IPP: variants seen among roughly 807,000 people sequenced by gnomAD.
IPP encodes the protein actin-binding protein IPP.
A neutral mutation model predicts 64.1 loss-of-function variants in IPP; 41 were observed. The ratio of observed to expected loss-of-function variants is 0.64; its 90% CI spans 0.50 to 0.83. The LOEUF (loss-of-function observed/expected upper bound fraction) is 0.83. Ranked by LOEUF, IPP falls within the 40% of genes least tolerant of loss-of-function variation. The pLI is 0.00. For synonymous variants in IPP, 214 were observed against 235.2 expected, an observed-to-expected ratio of 0.91 and a Z score of 0.83; for missense variants, 649 against 703.0, an observed-to-expected ratio of 0.92 and a Z score of 0.87.
At chr1:45,694,533 T>A, downstream of IPP, 2 of 1,395,476 alleles carry the variant, frequency 1.4e-6, no homozygotes, top group Non-Finnish European at 2.0e-6. Context: ...GAAAAGGTAG[T>A]TCCATTGAGT....
At chr1:45,731,866 G>C in intron 3 of IPP, among the ~76,000 whole-genome samples, 1 of 151,570 alleles carries the variant, frequency 6.6e-6, no homozygotes, top group South Asian at 2.1e-4. Flanking sequence ...AACCCGGGAG[G>C]CAAAGGTTGC....
chr1:45,704,326 T>G lies in IPP; in HGVS notation c.1531-4136A>C, dbSNP rs112750419. ...GATCTTGGCTCACTGCAGCCTCGGC[T>G]TCCTGGGTTCAAGCGATTCTCCTGC... On this transcript the variant is annotated intron_variant, in intron 8 of 8. Transcript: ENST00000396478. Among the ~76,000 whole-genome samples the G allele has an allele frequency of 5.1e-3, 771 of 151,722 alleles. 7 individuals carry two copies. The highest frequency in any genetic ancestry group is 0.018 in the African/African-American group (726 of 41,364).
At position 45,729,601 on chromosome 1, in the gene IPP, A is replaced by T. The variant is rs1475803456; in HGVS notation, c.880+13T>A. ...AAATATAATTTCTATTACTTTTTTAAGGGCTCTCTCACCTACTGCATACAG... is the reference window on the plus strand; with the variant it reads ...AAATATAATTTCTATTACTTTTTTATGGGCTCTCTCACCTACTGCATACAG... On this transcript the variant is annotated intron_variant, in intron 4 of 8. Coordinates refer to ENST00000396478, the MANE Select transcript of IPP (RefSeq NM_005897.3). 1 of 1,593,936 alleles carries T rather than the reference A, an allele frequency of 6.3e-7. No individual in the cohort carries two copies. The highest frequency in any genetic ancestry group is 8.6e-7 in the Non-Finnish European group (1 of 1,169,258).
At chr1:45,697,179 A>G (rs950493128), downstream of IPP, 1 of 152,238 alleles carries the variant, frequency 6.6e-6, no homozygotes. Context: ...TCTGCATTAC[A>G]TAAACTTTTC....
At chr1:45,694,766 C>T (rs1645372609), downstream of IPP, 1 of 347,708 alleles carries the variant, frequency 2.9e-6, no homozygotes, top group Admixed American at 4.6e-5. Flanking sequence ...CACATAATAG[C>T]TGGTCAAAAT....
In IPP at chr1:45,727,494, T is replaced by C. The variant is rs75462845; in HGVS notation, c.1048+137A>G. The C allele has an allele frequency of 6.1e-3, 559 of 90,926 alleles. 3 individuals are homozygous for C. The highest frequency in any genetic ancestry group is 0.046 in the Middle Eastern group (10 of 218). 5.6% of individuals were successfully genotyped at this position (90,926 alleles called of 1,614,324 possible). ...CTTCCTTCCCTCCCTCCCTCCCTCC[T>C]TCCTTCCTTCCTTCCTGTAAATACT... On this transcript the variant is annotated intron_variant, in intron 5 of 8. Coordinates refer to ENST00000396478, the MANE Select transcript of IPP (RefSeq NM_005897.3).
At chr1:45,705,992 G>A (rs1321995211) in intron 8 of IPP, among the ~76,000 whole-genome samples, 1 of 152,104 alleles carries the variant, frequency 6.6e-6, no homozygotes, top group East Asian at 1.9e-4. Context: ...AGCTGATACA[G>A]GAGACAGAGA....
intron 3 of IPP, among the ~76,000 whole-genome samples, chr1:45,736,731 T>C (rs1017620532): frequency 5.9e-5 from 9 of 152,052 alleles, no homozygotes; most frequent in African/African-American, 2.2e-4. Flanking sequence ...TTTTAAATTA[T>C]AAATTATAAT....
chr1:45,727,490 C>CTCCT (rs770534758), intron 5 of IPP, 141 bp downstream of exon 5: 55 of 284,558 alleles, frequency 1.9e-4, no homozygotes, highest in Admixed American at 9.5e-4. Context: ...CCCTCCCTCC[C>CTCCT]TCCTTCCTTC....
chr1:45,748,676 A>T (rs576169064), intron 1 of IPP, among the ~76,000 whole-genome samples: 3 of 152,038 alleles, frequency 2.0e-5, no homozygotes, highest in Non-Finnish European at 4.4e-5. Context: ...TGTCTCAACA[A>T]CAACAACAAC....
chr1:45,713,838 C>T (rs547730548), intron 8 of IPP, among the ~76,000 whole-genome samples: 8 of 152,226 alleles, frequency 5.3e-5, no homozygotes, highest in Middle Eastern at 3.4e-3. Flanking sequence ...GGATTACAGG[C>T]GTGGGCCACC....
At chr1:45,723,301 A>G (rs1269240594) in intron 5 of IPP, among the ~76,000 whole-genome samples, 1 of 152,190 alleles carries the variant, frequency 6.6e-6, no homozygotes, top group Non-Finnish European at 1.5e-5. Flanking sequence ...AACAAACCTC[A>G]ATTACTTTTA....
At chr1:45,708,587 G>A (rs181818877) in intron 8 of IPP, among the ~76,000 whole-genome samples, 2 of 148,760 alleles carry the variant, frequency 1.3e-5, no homozygotes, top group East Asian at 4.1e-4. Context: ...GCTGAGGCAG[G>A]AGAATCACTT....
intron 8 of IPP, among the ~76,000 whole-genome samples, 169 bp from the exon 9 acceptor site, chr1:45,700,359 G>A (rs1009704164): frequency 3.4e-5 from 5 of 147,938 alleles, no homozygotes; most frequent in Non-Finnish European, 7.4e-5. Context: ...TTTTTTCCTT[G>A]GAGACAGGGT....
At chr1:45,743,451 C>A (rs184729903) in intron 2 of IPP, among the ~76,000 whole-genome samples, 2 of 150,604 alleles carry the variant, frequency 1.3e-5, no homozygotes, top group African/African-American at 4.9e-5. Flanking sequence ...GTAGCATGTG[C>A]GCCTGTAGTC....
intron 1 of IPP, among the ~76,000 whole-genome samples, chr1:45,747,484 A>C (rs1261020846): frequency 6.6e-6 from 1 of 152,062 alleles, no homozygotes; most frequent in Admixed American, 6.6e-5. Flanking sequence ...CCACCATATC[A>C]CACTGCATAG....
intron 5 of IPP, among the ~76,000 whole-genome samples, chr1:45,719,858 T>C (rs778252414): frequency 6.6e-6 from 1 of 151,928 alleles, no homozygotes; most frequent in Non-Finnish European, 1.5e-5. Flanking sequence ...CCTGAGTAGC[T>C]GGGACTACAG....
downstream of IPP, chr1:45,696,971 T>C (rs1645393047): frequency 1.3e-5 from 2 of 152,314 alleles, no homozygotes; most frequent in South Asian, 4.1e-4. Context: ...CAATGAGAAA[T>C]TAGTTGTAGA....
chr1:45,722,968 G>A (rs1645753655), intron 5 of IPP, among the ~76,000 whole-genome samples: 2 of 152,212 alleles, frequency 1.3e-5, no homozygotes, highest in African/African-American at 2.4e-5. Context: ...GGGTTTAGGA[G>A]GAGAGATGGG....
Sources: allele counts gnomAD v4.1 joint callset (sites outside exome capture counted in the v4.1 genomes callset), GRCh38; gene constraint gnomAD v4.1.1; transcripts MANE v1.5; gene names NCBI Gene and HGNC (gene_info 2026-07-23, HGNC 2026-07-21).